Variants in VAT1L observed in about 807,000 individuals in gnomAD.
The protein encoded by VAT1L is vesicle amine transport 1 like.
VAT1L carries 34 observed loss-of-function variants against 44.1 expected under a neutral mutation model. That is an observed-to-expected ratio of 0.77 (90% CI 0.59 to 1.03). The LOEUF (loss-of-function observed/expected upper bound fraction) is 1.03. Among genes scored for constraint, VAT1L ranks in the 50% least tolerant of loss-of-function variants. VAT1L has a pLI of 0.00. For synonymous variants in VAT1L, 253 were observed against 202.2 expected, an observed-to-expected ratio of 1.25 and a Z score of -2.13; for missense variants, 615 against 538.8, an observed-to-expected ratio of 1.14 and a Z score of -1.40.
At chr16:77,818,103 T>A (rs1217293388) in intron 2 of VAT1L, among the ~76,000 whole-genome samples, 1 of 152,124 alleles carries the variant, frequency 6.6e-6, no homozygotes, top group Non-Finnish European at 1.5e-5. Flanking sequence ...TCCTACAGTC[T>A]CATGATCTTC....
intron 7 of VAT1L, among the ~76,000 whole-genome samples, chr16:77,955,591 G>A (rs1371603845): frequency 6.6e-6 from 1 of 152,116 alleles, no homozygotes; most frequent in Non-Finnish European, 1.5e-5. Flanking sequence ...CAGGGGTGAT[G>A]GCACTCGTCT....
chr16:77,977,537 G>C, intron 8 of VAT1L, 60 bp from the exon 9 acceptor site: 3 of 1,547,574 alleles, frequency 1.9e-6, no homozygotes, highest in Non-Finnish European at 2.7e-6. Context: ...TCTGTCAGAT[G>C]CTCAGAGATG....
chr16:77,956,524 A>G (rs1052869984), intron 7 of VAT1L, among the ~76,000 whole-genome samples: 4 of 152,276 alleles, frequency 2.6e-5, no homozygotes, highest in Admixed American at 2.6e-4. Context: ...CCACCACCCC[A>G]TAGATTTACC....
At chr16:77,835,501 T>C (rs2016629858) in intron 3 of VAT1L, among the ~76,000 whole-genome samples, 2 of 152,138 alleles carry the variant, frequency 1.3e-5, no homozygotes, top group African/African-American at 4.8e-5. Flanking sequence ...AGGCAATGCA[T>C]GGGATCTCAG....
chr16:77,950,155 T>C (rs1339956814), intron 7 of VAT1L, among the ~76,000 whole-genome samples: 2 of 152,192 alleles, frequency 1.3e-5, no homozygotes, highest in African/African-American at 4.8e-5. Flanking sequence ...ACGCCTGTAA[T>C]CCCAGCATTT....
At chr16:77,795,146 T>C (rs2015904632) in intron 1 of VAT1L, among the ~76,000 whole-genome samples, 1 of 152,166 alleles carries the variant, frequency 6.6e-6, no homozygotes, top group African/African-American at 2.4e-5. Context: ...CTCTCCATTT[T>C]GTGTCCCCTC....
chr16:77,912,243 G>A (rs916185615), intron 7 of VAT1L, among the ~76,000 whole-genome samples: 6 of 152,250 alleles, frequency 3.9e-5, no homozygotes, highest in Admixed American at 1.3e-4. Flanking sequence ...CAGTAAAGTG[G>A]GGTTGATCAC....
chr16:77,790,269 G>A (rs993233741), intron 1 of VAT1L, among the ~76,000 whole-genome samples: 12 of 152,190 alleles, frequency 7.9e-5, no homozygotes, highest in African/African-American at 2.9e-4. Flanking sequence ...AGTCTCTGTG[G>A]GGAATTCCGG....
intron 1 of VAT1L, among the ~76,000 whole-genome samples, chr16:77,813,329 T>C (rs1047770072): frequency 6.6e-6 from 1 of 152,232 alleles, no homozygotes; most frequent in Non-Finnish European, 1.5e-5. Flanking sequence ...CAACAATGTC[T>C]GTCCCAATGG....
intron 7 of VAT1L, among the ~76,000 whole-genome samples, chr16:77,931,255 C>G (rs930638202): frequency 1.3e-5 from 2 of 152,092 alleles, no homozygotes; most frequent in African/African-American, 4.8e-5. Context: ...ACGTCAGCAC[C>G]CTCAGAATGA....
chr16:77,893,005 TATC>T (rs1375487820), intron 7 of VAT1L: 13 of 632,108 alleles, frequency 2.1e-5, no homozygotes, highest in Non-Finnish European at 3.4e-5. Context: ...CGCAGTATCC[TATC>T]ATCTTTGTGC....
intron 7 of VAT1L, among the ~76,000 whole-genome samples, chr16:77,910,622 C>T (rs570246636): frequency 6.8e-6 from 1 of 147,486 alleles, no homozygotes; most frequent in African/African-American, 2.5e-5. Flanking sequence ...TGCATTGAGC[C>T]GAGATCGCTC....
chr16:77,951,187 A>G (rs1275077641), intron 7 of VAT1L, among the ~76,000 whole-genome samples: 5 of 152,350 alleles, frequency 3.3e-5, no homozygotes, highest in South Asian at 2.1e-4. Context: ...AAGCTCAACA[A>G]TGGGAGCTCT....
chr16:77,942,418 C>T (rs996366572), intron 7 of VAT1L, among the ~76,000 whole-genome samples: 1 of 151,318 alleles, frequency 6.6e-6, no homozygotes, highest in Admixed American at 6.6e-5. Context: ...ACAGCCACAC[C>T]ATATCAATCA....
chr16:77,896,756 C>T (rs77135161), intron 7 of VAT1L, among the ~76,000 whole-genome samples: 353 of 152,362 alleles, frequency 2.3e-3, no homozygotes, highest in African/African-American at 8.2e-3. Flanking sequence ...GGCTTATTCA[C>T]AGCTCAGCAC....
chr16:77,846,811 G>C (rs1282949743), intron 3 of VAT1L, among the ~76,000 whole-genome samples: 1 of 152,090 alleles, frequency 6.6e-6, no homozygotes, highest in Admixed American at 6.6e-5. Flanking sequence ...CACAATGTAA[G>C]CTTAGAAAGA....
At chr16:77,799,504 G>GGGGT (rs1274141113) in intron 1 of VAT1L, among the ~76,000 whole-genome samples, 1 of 140,890 alleles carries the variant, frequency 7.1e-6, no homozygotes, top group Non-Finnish European at 1.5e-5. Context: ...TGGAATACAT[G>GGGGT]GTGTGTGTGT....
At chr16:77,873,352 A>G (rs979557819) in intron 4 of VAT1L, among the ~76,000 whole-genome samples, 4 of 152,200 alleles carry the variant, frequency 2.6e-5, no homozygotes, top group African/African-American at 9.7e-5. Flanking sequence ...AGGGTTAATT[A>G]TGAAATAGCT....
intron 8 of VAT1L, among the ~76,000 whole-genome samples, chr16:77,974,938 C>T (rs887623361): frequency 2.6e-5 from 4 of 152,090 alleles, no homozygotes; most frequent in East Asian, 1.9e-4. Context: ...ATCAGAGCAA[C>T]CACGTGGTGG....
Sources: gnomAD v4.1 joint callset for allele counts (sites outside exome capture counted in the v4.1 genomes callset) on GRCh38, gnomAD v4.1.1 for gene constraint, MANE v1.5 for transcripts, NCBI Gene and HGNC (gene_info 2026-07-23, HGNC 2026-07-21) for gene names.